The following KCNH8 variants were observed in gnomAD, a reference collection of about 807,000 sequenced individuals.
The protein encoded by KCNH8 is voltage-gated delayed rectifier potassium channel KCNH8.
KCNH8 carries 70 observed loss-of-function variants against 103.6 expected under a neutral mutation model. The ratio of observed to expected loss-of-function variants is 0.68; its 90% CI spans 0.56 to 0.82. The LOEUF is 0.82. Among genes scored for constraint, KCNH8 ranks in the 40% least tolerant of loss-of-function variants. KCNH8 has a pLI of 0.00. For synonymous variants in KCNH8, 498 were observed against 489.4 expected (o/e 1.02, Z -0.23); for missense variants, 1,217 against 1,329.9 (o/e 0.92, Z 1.32).
Position 19,234,268 on chromosome 3 carries a change from C to T in KCNH8, c.77-19386C>T, listed in dbSNP as rs185553460. Among the ~76,000 whole-genome samples, 478 of 152,330 alleles carry T rather than the reference C, an allele frequency of 3.1e-3. 2 individuals are homozygous for T. Among genetic ancestry groups the T allele is most frequent in the Middle Eastern group, 6.8e-3 (2 of 294 alleles). Reference sequence around the variant, plus strand: ...GCTGCAGGTGGAGCTGCCTGCCAGTCCCGCGCTGTGGGCCGGCACTCCTCA... The same window carrying T: ...GCTGCAGGTGGAGCTGCCTGCCAGTTCCGCGCTGTGGGCCGGCACTCCTCA... On this transcript the variant is annotated intron_variant, in intron 1 of 15. Transcript: ENST00000328405.
chr3:19,152,945 AAAAAAAG>A (rs896069065), intron 1 of KCNH8, among the ~76,000 whole-genome samples: 1 of 152,096 alleles, frequency 6.6e-6, no homozygotes, highest in Non-Finnish European at 1.5e-5. Flanking sequence ...TAAAAAGAAA[AAAAAAAG>A]AAAAAAGAAA....
In KCNH8 at chr3:19,228,522, T is replaced by C. The variant is rs1044445739; in HGVS notation, c.77-25132T>C. Reference sequence around the variant, plus strand: ...ATTTTGGATGAATGTGGCACAGATGTGAAATTTTAGGGGCAGCTCAGTAAA... The same window carrying C: ...ATTTTGGATGAATGTGGCACAGATGCGAAATTTTAGGGGCAGCTCAGTAAA... On this transcript the variant is annotated intron_variant, in intron 1 of 15. Transcript: ENST00000328405. 4.6e-5 allele frequency among the ~76,000 whole-genome samples: 7 copies of C among 152,210 alleles called. No homozygotes were observed. In the East Asian group the frequency reaches 5.8e-4, roughly 13 times the overall value.
chr3:19,213,253 A>G (rs1255280845), intron 1 of KCNH8, among the ~76,000 whole-genome samples: 2 of 152,148 alleles, frequency 1.3e-5, no homozygotes, highest in African/African-American at 2.4e-5. Flanking sequence ...TTGCAATCCT[A>G]TCTTTTTTAA....
At chr3:19,166,033 C>G (rs955340568) in intron 1 of KCNH8, among the ~76,000 whole-genome samples, 5 of 152,128 alleles carry the variant, frequency 3.3e-5, no homozygotes, top group African/African-American at 7.2e-5. Context: ...GTCACATGGA[C>G]AAGCATGGGC....
chr3:19,406,512 G>A (rs1315787888), intron 7 of KCNH8, among the ~76,000 whole-genome samples: 1 of 152,126 alleles, frequency 6.6e-6, no homozygotes, highest in African/African-American at 2.4e-5. Flanking sequence ...ACAGTAAGAA[G>A]CAAGGGAGAT....
At chr3:19,210,799 G>A (rs780790977) in intron 1 of KCNH8, among the ~76,000 whole-genome samples, 2 of 152,076 alleles carry the variant, frequency 1.3e-5, no homozygotes, top group African/African-American at 2.4e-5. Context: ...ATGATGGTGA[G>A]AATACAAAGT....
intron 3 of KCNH8, among the ~76,000 whole-genome samples, chr3:19,339,605 T>G (rs999746228): frequency 6.6e-6 from 1 of 152,146 alleles, no homozygotes; most frequent in African/African-American, 2.4e-5. Context: ...AGTGTCCTTT[T>G]TGATATTATT....
At chr3:19,327,402 G>C (rs1025486636) in intron 3 of KCNH8, among the ~76,000 whole-genome samples, 1 of 152,150 alleles carries the variant, frequency 6.6e-6, no homozygotes, top group African/African-American at 2.4e-5. Flanking sequence ...CAACTCTCCT[G>C]TCTGAGCCTC....
chr3:19,379,735 C>T (rs2066264219), intron 5 of KCNH8, among the ~76,000 whole-genome samples: 1 of 152,158 alleles, frequency 6.6e-6, no homozygotes, highest in South Asian at 2.1e-4. Flanking sequence ...CCAAATATCA[C>T]ATTTGCATTA....
intron 3 of KCNH8, among the ~76,000 whole-genome samples, chr3:19,302,137 G>C (rs1158099925): frequency 6.6e-6 from 1 of 152,102 alleles, no homozygotes; most frequent in Non-Finnish European, 1.5e-5. Context: ...TTCTTTTGGG[G>C]TGTGAGACTG....
At chr3:19,358,274 TTCTC>T (rs71806258) in intron 5 of KCNH8, among the ~76,000 whole-genome samples, 2 of 151,014 alleles carry the variant, frequency 1.3e-5, no homozygotes, top group East Asian at 1.9e-4. Flanking sequence ...TTTTTCCTTC[TTCTC>T]TCTTTCTCCT....
intron 1 of KCNH8, among the ~76,000 whole-genome samples, chr3:19,236,510 A>G (rs2064067373): frequency 6.6e-6 from 1 of 152,176 alleles, no homozygotes; most frequent in Non-Finnish European, 1.5e-5. Context: ...TATGCTTTTG[A>G]GAGTTGAAGG....
rs1371866649 is a variant in KCNH8, at chr3:19,247,752, G to T, written c.77-5902G>T. Among the ~76,000 whole-genome samples the T allele has an allele frequency of 3.9e-5, 6 of 152,210 alleles. No homozygotes were observed. The South Asian group carries it at 6.2e-4, about 16-fold the overall frequency. ...GCATAATTGGCAGGAAGAGCCAAGA[G>T]AATACAGGTTTCTGTATGATGCCAA... On this transcript the variant is annotated intron_variant, in intron 1 of 15. Transcript: ENST00000328405.
chr3:19,197,830 G>T (rs1364615169), intron 1 of KCNH8, among the ~76,000 whole-genome samples: 1 of 151,508 alleles, frequency 6.6e-6, no homozygotes, highest in Non-Finnish European at 1.5e-5. Context: ...CTATTTCTTG[G>T]CTTACTTTTT....
chr3:19,497,981 C>T (rs917821515), intron 11 of KCNH8, among the ~76,000 whole-genome samples: 5 of 152,132 alleles, frequency 3.3e-5, no homozygotes, highest in African/African-American at 9.7e-5. Context: ...AAACTCTTTA[C>T]CATTATGTAA....
intron 3 of KCNH8, among the ~76,000 whole-genome samples, chr3:19,282,452 T>C (rs1192454767): frequency 1.3e-5 from 2 of 152,142 alleles, no homozygotes; most frequent in African/African-American, 2.4e-5. Context: ...CTTTGTAAGA[T>C]AGAAACACAA....
At chr3:19,204,328 A>T (rs2063691709) in intron 1 of KCNH8, among the ~76,000 whole-genome samples, 1 of 152,054 alleles carries the variant, frequency 6.6e-6, no homozygotes, top group Non-Finnish European at 1.5e-5. Context: ...AGGTGGCTGG[A>T]TAAGAACCCC....
intron 2 of KCNH8, among the ~76,000 whole-genome samples, chr3:19,280,519 A>T (rs2064741806): frequency 6.6e-6 from 1 of 152,082 alleles, no homozygotes; most frequent in Non-Finnish European, 1.5e-5. Context: ...TTCTTATTGC[A>T]TTCTATTTGT....
chr3:19,496,828 G>A (rs1233600825), intron 11 of KCNH8, among the ~76,000 whole-genome samples: 3 of 151,946 alleles, frequency 2.0e-5, no homozygotes, highest in Admixed American at 1.3e-4. Flanking sequence ...TTCTCCACCT[G>A]TTTTTGGTTG....
Sources: allele counts gnomAD v4.1 joint callset (sites outside exome capture counted in the v4.1 genomes callset), GRCh38; gene constraint gnomAD v4.1.1; transcripts MANE v1.5; gene names NCBI Gene and HGNC (gene_info 2026-07-23, HGNC 2026-07-21).